Variants in BCL2 observed in about 807,000 individuals in gnomAD.
The protein encoded by BCL2 is apoptosis regulator Bcl-2.
In BCL2, 1 loss-of-function variant was observed where a neutral mutation model predicts 14.2. The observed-to-expected ratio is 0.07, with a 90% CI of 0.02 to 0.33. The LOEUF (loss-of-function observed/expected upper bound fraction) is 0.33, where lower values mean the gene tolerates loss of function less well. Ranked by LOEUF, BCL2 falls within the 10% of genes least tolerant of loss-of-function variation. The pLI, the probability that BCL2 is intolerant of heterozygous loss-of-function variation, is 0.99. For synonymous variants in BCL2, 151 were observed against 137.2 expected (o/e 1.10, Z -0.70); for missense variants, 247 against 305.9 (o/e 0.81, Z 1.44).
At chr18:63,212,595 G>A (rs1910063949) in intron 2 of BCL2, among the ~76,000 whole-genome samples, 1 of 149,978 alleles carries the variant, frequency 6.7e-6, no homozygotes, top group African/African-American at 2.4e-5. Flanking sequence ...TTGCTACCTT[G>A]GCCGGGTGCG....
chr18:63,161,017 T>C (rs1914907864), intron 2 of BCL2, among the ~76,000 whole-genome samples: 1 of 152,134 alleles, frequency 6.6e-6, no homozygotes, highest in African/African-American at 2.4e-5. Context: ...TCCCAAAACA[T>C]TATGCAGGAA....
intron 2 of BCL2, among the ~76,000 whole-genome samples, chr18:63,208,618 G>GTAT (rs1463827696): frequency 6.6e-6 from 1 of 152,170 alleles, no homozygotes; most frequent in African/African-American, 2.4e-5. Context: ...GGGGTACAGT[G>GTAT]TATTGGGTTG....
chr18:63,152,122 A>G (rs1184298934), intron 2 of BCL2, among the ~76,000 whole-genome samples: 1 of 152,224 alleles, frequency 6.6e-6, no homozygotes, highest in African/African-American at 2.4e-5. Flanking sequence ...CAACCTGCAA[A>G]ACACCTTCTT....
At chr18:63,129,418 A>G (rs2144585199) in intron 2 of BCL2, among the ~76,000 whole-genome samples, 1 of 151,854 alleles carries the variant, frequency 6.6e-6, no homozygotes, top group South Asian at 2.1e-4. Flanking sequence ...CCGCCTCCTG[A>G]GTACCTAGGA....
In BCL2 at chr18:63,195,748, T is replaced by C. The variant is rs571601857; in HGVS notation, c.586-66989A>G. On this transcript the variant is annotated intron_variant, in intron 2 of 2. Coordinates refer to ENST00000333681, the MANE Select transcript of BCL2 (RefSeq NM_000633.3). ...TACTGTTTGTATTGTAGGCTTTTAA[T>C]GAAAAGTCTAAAAACACACCTATTT... is the stretch of plus-strand genomic sequence containing the variant. 4.5e-4 allele frequency among the ~76,000 whole-genome samples: 69 copies of C among 152,332 alleles called. 1 individual carries two copies. Among genetic ancestry groups the C allele is most frequent in the Admixed American group, 4.4e-3 (67 of 15,306 alleles).
At chr18:63,243,501 C>T (rs1008401646) in intron 2 of BCL2, among the ~76,000 whole-genome samples, 16 of 152,070 alleles carry the variant, frequency 1.1e-4, no homozygotes, top group Non-Finnish European at 2.9e-5. Flanking sequence ...GCACATGTAC[C>T]GCTGAACTTA....
rs141444943 is a variant in BCL2, at chr18:63,133,827, A to G, written c.586-5068T>C. On this transcript the variant is annotated intron_variant, in intron 2 of 2. Transcript: ENST00000333681. ...AGCTTTTGTTAGTAATTTCACTTCC[A>G]GTTATTTATTTTGGAAAAATAATAA... Among the ~76,000 whole-genome samples, 1,441 of 152,324 alleles carry G rather than the reference A, an allele frequency of 9.5e-3. 31 individuals carry two copies. The highest frequency in any genetic ancestry group is 0.033 in the African/African-American group (1,376 of 41,558).
At chr18:63,234,939 C>G (rs1807999) in intron 2 of BCL2, among the ~76,000 whole-genome samples, 16,292 of 152,014 alleles carry the variant, frequency 0.11, 1,369 homozygotes, top group African/African-American at 0.23. Flanking sequence ...ATATAATGGA[C>G]AAGGGAGTGG....
At chr18:63,210,276 C>T (rs2144672872) in intron 2 of BCL2, among the ~76,000 whole-genome samples, 1 of 152,210 alleles carries the variant, frequency 6.6e-6, no homozygotes, top group South Asian at 2.1e-4. Flanking sequence ...GTCCAGATGG[C>T]GATTAGTGGA....
intron 2 of BCL2, among the ~76,000 whole-genome samples, chr18:63,241,440 G>A: frequency 6.6e-6 from 1 of 152,156 alleles, no homozygotes; most frequent in East Asian, 1.9e-4. Context: ...CAAGAAATAA[G>A]GGTAGTAGTT....
At chr18:63,290,489 T>C (rs1912616596) in intron 2 of BCL2, among the ~76,000 whole-genome samples, 1 of 152,198 alleles carries the variant, frequency 6.6e-6, no homozygotes, top group South Asian at 2.1e-4. Flanking sequence ...CCTTAGAACA[T>C]GTTTTTCACA....
At chr18:63,296,806 A>G (rs1912809885) in intron 2 of BCL2, among the ~76,000 whole-genome samples, 1 of 152,242 alleles carries the variant, frequency 6.6e-6, no homozygotes, top group African/African-American at 2.4e-5. Context: ...TGAAGAAAAA[A>G]GGAAAGGTCT....
In BCL2 at chr18:63,149,645, C is replaced by T. The variant is rs1329437633; in HGVS notation, c.586-20886G>A. On this transcript the variant is annotated intron_variant, in intron 2 of 2. Transcript: ENST00000333681. The surrounding 1 kb of genome is among the most constrained non-coding windows in gnomAD (Gnocchi z 4.2). ...CCCAGCCTTCCTTTCAAACTCTTTG[C>T]TTGATGTAATCGCCAATTTTCATTT... 6.6e-6 allele frequency among the ~76,000 whole-genome samples: 1 copy of T among 152,152 alleles called. No individual in the cohort carries two copies. The highest frequency in any genetic ancestry group is 1.5e-5 in the Non-Finnish European group (1 of 68,032).
At chr18:63,176,920 CT>C (rs11346034) in intron 2 of BCL2, among the ~76,000 whole-genome samples, 26,069 of 144,004 alleles carry the variant, frequency 0.18, 2,592 homozygotes, top group East Asian at 0.41. Context: ...TTCTTCTTTT[CT>C]TTTTTTTTTT....
chr18:63,294,231 A>C (rs375180684), intron 2 of BCL2, among the ~76,000 whole-genome samples: 6 of 152,186 alleles, frequency 3.9e-5, no homozygotes, highest in African/African-American at 1.4e-4. Context: ...TAAGCAAAGT[A>C]TAATGAGGCG....
intron 2 of BCL2, among the ~76,000 whole-genome samples, chr18:63,281,740 A>AGAG: frequency 6.9e-6 from 1 of 144,664 alleles, no homozygotes; most frequent in African/African-American, 2.7e-5. Context: ...AAGAAAGAAA[A>AGAG]AGAGAGAGGA....
At chr18:63,193,188 G>A (rs1053840591) in intron 2 of BCL2, among the ~76,000 whole-genome samples, 1 of 152,160 alleles carries the variant, frequency 6.6e-6, no homozygotes, top group Non-Finnish European at 1.5e-5. Flanking sequence ...GTACTGTAGT[G>A]ATTACTGCTA....
At chr18:63,135,779 G>A (rs761191306) in intron 2 of BCL2, among the ~76,000 whole-genome samples, 3 of 151,974 alleles carry the variant, frequency 2.0e-5, no homozygotes, top group South Asian at 2.1e-4. Flanking sequence ...GTGCTGATGC[G>A]TGCTCCACCC....
intron 2 of BCL2, among the ~76,000 whole-genome samples, chr18:63,261,761 T>C (rs1568250716): frequency 6.6e-6 from 1 of 151,962 alleles, no homozygotes; most frequent in Non-Finnish European, 1.5e-5. Flanking sequence ...AAAGCACATA[T>C]ACTAATTTTC....
Sources: gnomAD v4.1 joint callset for allele counts (sites outside exome capture counted in the v4.1 genomes callset) on GRCh38, gnomAD v4.1.1 for gene constraint, Gnocchi (gnomAD v3.1) non-coding constraint, MANE v1.5 for transcripts, NCBI Gene and HGNC (gene_info 2026-07-23, HGNC 2026-07-21) for gene names.